The following PRKD1 variants were observed in gnomAD, a reference collection of about 807,000 sequenced individuals.
PRKD1 encodes the protein protein kinase D1.
Under a neutral mutation model 95.9 loss-of-function variants are expected in PRKD1, and 63 were observed. The ratio of observed to expected loss-of-function variants is 0.66; its 90% CI spans 0.54 to 0.81. PRKD1 has a LOEUF of 0.81. PRKD1 is among the 30% of genes least tolerant of loss of function. PRKD1 has a pLI of 0.00. For missense variants in PRKD1, 1,048 were observed against 1,165.3 expected, an observed-to-expected ratio of 0.90 and a Z score of 1.47; for synonymous variants, 425 against 423.1, an observed-to-expected ratio of 1.00 and a Z score of -0.05.
At chr14:29,774,420 GA>G (rs1227783718) in intron 1 of PRKD1, among the ~76,000 whole-genome samples, 1 of 152,166 alleles carries the variant, frequency 6.6e-6, no homozygotes, top group Non-Finnish European at 1.5e-5. Context: ...AGAGGAAAAG[GA>G]AGGGGAGGAA....
intron 1 of PRKD1, among the ~76,000 whole-genome samples, chr14:29,788,457 T>A (rs1889373256): frequency 6.6e-6 from 1 of 152,218 alleles, no homozygotes; most frequent in Non-Finnish European, 1.5e-5. Flanking sequence ...AGTATCTATA[T>A]CTCTTGCAAG....
intron 1 of PRKD1, among the ~76,000 whole-genome samples, chr14:29,745,986 T>C (rs1012307543): frequency 1.3e-4 from 20 of 152,206 alleles, no homozygotes; most frequent in Non-Finnish European, 2.4e-4. Flanking sequence ...CGTTCCCCTT[T>C]GACTCTTAAA....
intron 2 of PRKD1, among the ~76,000 whole-genome samples, chr14:29,671,639 A>G (rs1203374504): frequency 6.6e-6 from 1 of 152,196 alleles, no homozygotes; most frequent in African/African-American, 2.4e-5. Flanking sequence ...TCAAGAAGAA[A>G]ACAAAGTCTA....
At chr14:29,900,602 A>G (rs1300139217) in intron 1 of PRKD1, among the ~76,000 whole-genome samples, 1 of 152,196 alleles carries the variant, frequency 6.6e-6, no homozygotes, top group Non-Finnish European at 1.5e-5. Flanking sequence ...CAAAGGTCAA[A>G]TATCCAGAAT....
At chr14:29,837,270 ACT>A (rs1891646407) in intron 1 of PRKD1, among the ~76,000 whole-genome samples, 1 of 152,034 alleles carries the variant, frequency 6.6e-6, no homozygotes, top group Admixed American at 6.6e-5. Flanking sequence ...GAACAAACAA[ACT>A]CTACTAGTTT....
At chr14:29,606,605 C>T (rs927912738) in intron 13 of PRKD1, among the ~76,000 whole-genome samples, 2 of 152,098 alleles carry the variant, frequency 1.3e-5, no homozygotes, top group African/African-American at 2.4e-5. Context: ...TCAAAAGCCA[C>T]CAGGAAACAG....
At chr14:29,896,262 A>G (rs1484197066) in intron 1 of PRKD1, among the ~76,000 whole-genome samples, 1 of 152,196 alleles carries the variant, frequency 6.6e-6, no homozygotes, top group Non-Finnish European at 1.5e-5. Context: ...ATATGACACC[A>G]GAGCTTAAAT....
intron 4 of PRKD1, among the ~76,000 whole-genome samples, chr14:29,648,876 G>A (rs1180029420): frequency 3.3e-5 from 5 of 152,214 alleles, no homozygotes; most frequent in South Asian, 2.1e-4. Flanking sequence ...GGATGGTCTC[G>A]ATTTCCTGAC....
intron 1 of PRKD1, among the ~76,000 whole-genome samples, chr14:29,841,927 T>G (rs987088162): frequency 6.6e-6 from 1 of 151,996 alleles, no homozygotes; most frequent in Non-Finnish European, 1.5e-5. Flanking sequence ...TTCTATAAAT[T>G]TTTTTCTATT....
intron 1 of PRKD1, among the ~76,000 whole-genome samples, chr14:29,907,951 C>A (rs1020385751): frequency 2.6e-5 from 4 of 152,060 alleles, no homozygotes; most frequent in Non-Finnish European, 5.9e-5. Flanking sequence ...CCAGTTCTTA[C>A]TAAAGAAGAG....
chr14:29,909,068 C>T (rs1055342447), intron 1 of PRKD1, among the ~76,000 whole-genome samples: 16 of 152,160 alleles, frequency 1.1e-4, no homozygotes, highest in African/African-American at 3.9e-4. Context: ...TGGGCGTGGG[C>T]TTGGCGGGCC....
intron 2 of PRKD1, among the ~76,000 whole-genome samples, chr14:29,702,071 T>C (rs945841867): frequency 6.6e-6 from 1 of 152,160 alleles, no homozygotes; most frequent in African/African-American, 2.4e-5. Context: ...AACCTCTCTA[T>C]CTAGAAATAT....
chr14:29,719,971 C>T (rs1380860812), intron 2 of PRKD1, among the ~76,000 whole-genome samples: 1 of 152,158 alleles, frequency 6.6e-6, no homozygotes, highest in Non-Finnish European at 1.5e-5. Flanking sequence ...CATTAGCATG[C>T]ACCAAAGTTC....
At chr14:29,779,572 A>C (rs1888944829) in intron 1 of PRKD1, among the ~76,000 whole-genome samples, 1 of 152,144 alleles carries the variant, frequency 6.6e-6, no homozygotes, top group Admixed American at 6.5e-5. Context: ...TAGGAATCCA[A>C]CTTACAAGGG....
In PRKD1 at chr14:29,700,982, G is replaced by A. The variant is rs1490223057; in HGVS notation, c.403+24554C>T. 0.011 allele frequency among the ~76,000 whole-genome samples: 375 copies of A among 34,626 alleles called. No homozygotes were observed. The African/African-American group carries it at 0.12, about 11-fold the overall frequency. The allele number at this position is 34,626 out of a possible 152,430, so 22.7% of individuals were successfully genotyped here. ...TGTGTGTACGCGTGCGCATGCGCGC[G>A]CGCGCGCACACACACACACACACAC... On this transcript the variant is annotated intron_variant, in intron 2 of 17. Coordinates refer to ENST00000331968, the MANE Select transcript of PRKD1 (RefSeq NM_002742.3).
chr14:29,866,454 T>C (rs45447100), intron 1 of PRKD1, among the ~76,000 whole-genome samples: 2 of 152,244 alleles, frequency 1.3e-5, no homozygotes, highest in Admixed American at 1.3e-4. Context: ...TTTCCTAAGA[T>C]ATTTTATTGA....
At chr14:29,927,129 C>G in intron 1 of PRKD1, 120 bp downstream of exon 1, 1 of 1,115,246 alleles carries the variant, frequency 9.0e-7, no homozygotes, top group Non-Finnish European at 1.1e-6. Flanking sequence ...TCCAGAGCGC[C>G]GGCGAGGCTG....
At chr14:29,772,033 C>A (rs996375846) in intron 1 of PRKD1, among the ~76,000 whole-genome samples, 2 of 152,104 alleles carry the variant, frequency 1.3e-5, no homozygotes, top group Non-Finnish European at 2.9e-5. Context: ...TGCCTCAGGG[C>A]GAATCATACA....
intron 4 of PRKD1, among the ~76,000 whole-genome samples, chr14:29,647,185 A>T (rs751558844): frequency 3.9e-5 from 6 of 152,240 alleles, no homozygotes; most frequent in Non-Finnish European, 5.9e-5. Flanking sequence ...AAGCTTTCAA[A>T]GTAATAACAT....
Sources: allele counts gnomAD v4.1 joint callset (sites outside exome capture counted in the v4.1 genomes callset), GRCh38; gene constraint gnomAD v4.1.1; transcripts MANE v1.5; gene names NCBI Gene and HGNC (gene_info 2026-07-23, HGNC 2026-07-21).